Variants in CHODL observed in about 807,000 individuals in gnomAD.
The protein encoded by CHODL is transmembrane protein MT75.
Under a neutral mutation model 34.5 loss-of-function variants are expected in CHODL, and 29 were observed. The observed-to-expected ratio is 0.84, with a 90% CI of 0.63 to 1.15. CHODL has a LOEUF of 1.15. CHODL is among the 50% of genes most tolerant of loss of function. The probability of loss-of-function intolerance (pLI) is 0.00; values close to 1 mark genes in which losing one functional copy is unlikely to be tolerated. For missense variants in CHODL, 332 were observed against 332.5 expected (o/e 1.00, Z 0.01); for synonymous variants, 125 against 116.1 (o/e 1.08, Z -0.49).
chr21:18,122,285 T>A (rs190188675), intron 2 of CHODL, among the ~76,000 whole-genome samples: 1 of 152,336 alleles, frequency 6.6e-6, no homozygotes, highest in East Asian at 1.9e-4. Context: ...ACATTCTTTT[T>A]AAAACCTTTT....
intron 2 of CHODL, 56 bp from the exon 3 acceptor site, chr21:18,256,914 G>C: frequency 6.3e-7 from 1 of 1,588,388 alleles, no homozygotes; most frequent in Non-Finnish European, 8.6e-7. Flanking sequence ...GAGTAGGACA[G>C]GCAGAATCAT....
At chr21:18,219,347 G>T (rs969761437) in intron 2 of CHODL, among the ~76,000 whole-genome samples, 4 of 152,100 alleles carry the variant, frequency 2.6e-5, no homozygotes, top group African/African-American at 9.7e-5. Flanking sequence ...TCTCAAGAGA[G>T]CTCACTCACT....
intron 2 of CHODL, among the ~76,000 whole-genome samples, chr21:18,081,713 T>C (rs1600977741): frequency 6.6e-6 from 1 of 150,912 alleles, no homozygotes; most frequent in South Asian, 2.1e-4. Context: ...AGGGTGAAAG[T>C]GGGCATCTTC....
intron 1 of CHODL, among the ~76,000 whole-genome samples, chr21:17,989,715 A>G (rs1369668688): frequency 1.3e-5 from 2 of 152,150 alleles, no homozygotes; most frequent in Middle Eastern, 3.2e-3. Flanking sequence ...TGAGCCGACC[A>G]TGTTTCAATT....
At chr21:17,996,769 T>A (rs1376864982) in intron 1 of CHODL, among the ~76,000 whole-genome samples, 1 of 152,220 alleles carries the variant, frequency 6.6e-6, no homozygotes, top group Admixed American at 6.5e-5. Flanking sequence ...TTTATAGACC[T>A]GAAGGTGTTT....
intron 1 of CHODL, among the ~76,000 whole-genome samples, chr21:18,024,401 C>A (rs1210969062): frequency 6.6e-6 from 1 of 152,048 alleles, no homozygotes; most frequent in Non-Finnish European, 1.5e-5. Flanking sequence ...CCTAGAAATT[C>A]AGATGAAATA....
At chr21:18,228,898 A>T (rs889848761) in intron 2 of CHODL, among the ~76,000 whole-genome samples, 3 of 152,174 alleles carry the variant, frequency 2.0e-5, no homozygotes, top group Non-Finnish European at 4.4e-5. Flanking sequence ...TAGCTCACCA[A>T]CTTAAAATAG....
chr21:18,072,881 C>G (rs2064822344), intron 2 of CHODL, among the ~76,000 whole-genome samples: 1 of 152,060 alleles, frequency 6.6e-6, no homozygotes, highest in South Asian at 2.1e-4. Flanking sequence ...TAATTTCAAA[C>G]TATTTTATAT....
chr21:18,062,721 G>A (rs2064683635), intron 2 of CHODL, among the ~76,000 whole-genome samples: 1 of 152,120 alleles, frequency 6.6e-6, no homozygotes, highest in Non-Finnish European at 1.5e-5. Context: ...AGCCGAGATA[G>A]CACCACTTCT....
intron 2 of CHODL, among the ~76,000 whole-genome samples, chr21:18,163,171 A>C (rs2073116491): frequency 6.6e-6 from 1 of 152,224 alleles, no homozygotes; most frequent in African/African-American, 2.4e-5. Flanking sequence ...ATGTAAGTGA[A>C]TATTTATTGA....
chr21:18,160,231 G>C (rs1240304152), intron 2 of CHODL, among the ~76,000 whole-genome samples: 3 of 152,168 alleles, frequency 2.0e-5, no homozygotes, highest in African/African-American at 4.8e-5. Context: ...TAAGTTAAGG[G>C]ACAAGGTCTC....
At position 18,266,418 on chromosome 21, in the gene CHODL, T is replaced by G. The variant is rs2146836941; in HGVS notation, c.*380T>G. On this transcript the variant is annotated 3_prime_UTR_variant, in exon 6 of 6. Coordinates refer to ENST00000299295, the MANE Select transcript of CHODL (RefSeq NM_024944.3). The stretch of plus-strand genomic sequence containing the variant: ...AATGTAATGTATATTGTATTGAAAT[T>G]TACAGTGTGCAAAAGTATTTTACCT... 1 of 313,540 alleles carries G rather than the reference T, an allele frequency of 3.2e-6. No individual in the cohort carries two copies. Among genetic ancestry groups the G allele is most frequent in the Non-Finnish European group, 5.9e-6 (1 of 169,246 alleles). The allele number at this position is 313,540 out of a possible 1,614,324, so 19.4% of individuals were successfully genotyped here.
At chr21:18,147,285 G>A (rs73312500) in intron 2 of CHODL, among the ~76,000 whole-genome samples, 14,727 of 152,182 alleles carry the variant, frequency 0.097, 915 homozygotes, top group East Asian at 0.24. Context: ...CTATTCTCTG[G>A]AAGATTCCTG....
intron 1 of CHODL, among the ~76,000 whole-genome samples, chr21:17,959,994 CGGG>C (rs1001327398): frequency 3.9e-5 from 6 of 151,934 alleles, no homozygotes; most frequent in African/African-American, 1.5e-4. Context: ...GTGAACAGTG[CGGG>C]GGTGATAGAG....
At chr21:17,952,581 G>T (rs973224519) in intron 1 of CHODL, among the ~76,000 whole-genome samples, 1 of 152,022 alleles carries the variant, frequency 6.6e-6, no homozygotes, top group Non-Finnish European at 1.5e-5. Flanking sequence ...AATTCTAAAG[G>T]AATTTTTTCA....
chr21:17,927,081 T>C lies in CHODL; in HGVS notation c.-145+9681T>C, dbSNP rs2063230906. 2.0e-5 allele frequency among the ~76,000 whole-genome samples: 3 copies of C among 150,230 alleles called. No individual in the cohort carries two copies. In the South Asian group the frequency reaches 6.2e-4, roughly 31 times the overall value. On this transcript the variant is annotated intron_variant, in intron 1 of 6. Transcript: ENST00000400127. The stretch of plus-strand genomic sequence containing the variant: ...GTATATGTATGTATATGTATATCTG[T>C]GTGTATGTATGTATATCTGTGTGTA...
At chr21:18,245,449 T>G in intron 1 of CHODL, 147 bp downstream of exon 1, 1 of 631,320 alleles carries the variant, frequency 1.6e-6, no homozygotes, top group African/African-American at 1.9e-5. Context: ...AGAAATTGAT[T>G]GTGCTGTTCT....
chr21:17,943,630 C>T (rs1230421810), intron 1 of CHODL, among the ~76,000 whole-genome samples: 2 of 152,186 alleles, frequency 1.3e-5, no homozygotes, highest in African/African-American at 4.8e-5. Context: ...AAAACCGGAA[C>T]ACCTGGAAAC....
At chr21:18,086,970 G>C (rs1181809462) in intron 2 of CHODL, among the ~76,000 whole-genome samples, 1 of 152,190 alleles carries the variant, frequency 6.6e-6, no homozygotes, top group African/African-American at 2.4e-5. Flanking sequence ...GACCCAAGCA[G>C]TCCATGTGGG....
Sources: gnomAD v4.1 joint callset for allele counts (sites outside exome capture counted in the v4.1 genomes callset) on GRCh38, gnomAD v4.1.1 for gene constraint, MANE v1.5 for transcripts, NCBI Gene and HGNC (gene_info 2026-07-23, HGNC 2026-07-21) for gene names.